The following WNK1 variants were observed in gnomAD, a reference collection of about 807,000 sequenced individuals.
The protein encoded by WNK1 is WNK lysine deficient protein kinase 1, also known as serine/threonine-protein kinase WNK1.
WNK1 carries 38 observed loss-of-function variants against 222.8 expected under a neutral mutation model. That is an observed-to-expected ratio of 0.17 (90% confidence interval 0.13 to 0.22). The LOEUF (loss-of-function observed/expected upper bound fraction) is 0.22. Among genes scored for constraint, WNK1 ranks in the 10% least tolerant of loss-of-function variants. The pLI, the probability that WNK1 is intolerant of heterozygous loss-of-function variation, is 1.00. For missense variants in WNK1, 2,348 were observed against 2,918.4 expected (o/e 0.80, Z 4.50); for synonymous variants, 1,090 against 1,092.9 (o/e 1.00, Z 0.05).
intron 6 of WNK1, 132 bp downstream of exon 6, chr12:859,596 A>T (rs1951036013): frequency 6.5e-6 from 4 of 614,036 alleles, no homozygotes; most frequent in Admixed American, 3.1e-5. Flanking sequence ...TGGCCCTAAA[A>T]GTTATCTTTG....
At chr12:876,863 G>GA (rs1296207529) in intron 9 of WNK1, among the ~76,000 whole-genome samples, 4 of 151,934 alleles carry the variant, frequency 2.6e-5, no homozygotes, top group African/African-American at 4.8e-5. Context: ...CTTACGCATA[G>GA]AAAAAAATCC....
At chr12:822,096 T>G (rs1027770566) in intron 2 of WNK1, among the ~76,000 whole-genome samples, 23 of 137,596 alleles carry the variant, frequency 1.7e-4, no homozygotes, top group African/African-American at 5.4e-4. Context: ...CCTTTTTTTT[T>G]TTTTTTTTTT....
intron 4 of WNK1, among the ~76,000 whole-genome samples, chr12:843,300 G>A (rs187056740): frequency 6.6e-6 from 1 of 152,230 alleles, no homozygotes; most frequent in Admixed American, 6.5e-5. Context: ...AGTTATTGAG[G>A]ACCCCAAAGA....
At chr12:886,295 A>T (rs549423536) in intron 19 of WNK1, among the ~76,000 whole-genome samples, 7 of 152,130 alleles carry the variant, frequency 4.6e-5, no homozygotes, top group Non-Finnish European at 7.4e-5. Context: ...AGGGTTAATT[A>T]TGCTGCACAG....
chr12:855,329 C>T (rs894955383), intron 4 of WNK1, among the ~76,000 whole-genome samples: 1 of 152,120 alleles, frequency 6.6e-6, no homozygotes, highest in African/African-American at 2.4e-5. Context: ...TAGGGTCAGC[C>T]CTGCTACACA....
At chr12:879,537 T>C (rs1391661207) in intron 10 of WNK1, 36 bp from the exon 11 acceptor site, 2 of 977,762 alleles carry the variant, frequency 2.0e-6, no homozygotes, top group East Asian at 5.2e-5. Flanking sequence ...TTTTTTTTTT[T>C]AAGCCTGTCT....
chr12:841,891 C>T (rs987913953), intron 4 of WNK1, among the ~76,000 whole-genome samples: 8 of 152,198 alleles, frequency 5.3e-5, no homozygotes, highest in Admixed American at 1.3e-4. Context: ...GATCACCTCC[C>T]AAAGACCTTC....
At chr12:761,016 C>T (rs1055970700) in intron 1 of WNK1, among the ~76,000 whole-genome samples, 2 of 145,546 alleles carry the variant, frequency 1.4e-5, no homozygotes, top group African/African-American at 4.9e-5. Flanking sequence ...AACTCCTGAC[C>T]TCAGGTGATC....
At chr12:830,385 C>T (rs574511490) in intron 4 of WNK1, among the ~76,000 whole-genome samples, 1 of 152,326 alleles carries the variant, frequency 6.6e-6, no homozygotes, top group Admixed American at 6.5e-5. Context: ...ACCTTGCATT[C>T]ATTTAAATCT....
intron 1 of WNK1, among the ~76,000 whole-genome samples, chr12:787,293 C>T (rs1464860197): frequency 6.6e-6 from 1 of 152,070 alleles, no homozygotes; most frequent in Non-Finnish European, 1.5e-5. Flanking sequence ...GCATCCATTT[C>T]TTTTTTGGTT....
intron 1 of WNK1, among the ~76,000 whole-genome samples, chr12:766,717 T>G (rs1200766571): frequency 6.6e-6 from 1 of 151,972 alleles, no homozygotes; most frequent in Non-Finnish European, 1.5e-5. Flanking sequence ...GACCTCATGA[T>G]CCGCCTGCCT....
chr12:878,665 G>A (rs942895855), intron 10 of WNK1, among the ~76,000 whole-genome samples: 2 of 151,980 alleles, frequency 1.3e-5, no homozygotes, highest in African/African-American at 2.4e-5. Flanking sequence ...GTTAAATAAA[G>A]GTGCTCTGGT....
chr12:887,562 C>T (rs553752092), intron 20 of WNK1, among the ~76,000 whole-genome samples: 41 of 151,928 alleles, frequency 2.7e-4, no homozygotes, highest in Non-Finnish European at 4.6e-4. Context: ...AGGAAGAAAA[C>T]AGCAAAGCAA....
chr12:899,738 C>A (rs1377068645), intron 25 of WNK1, among the ~76,000 whole-genome samples: 3 of 152,182 alleles, frequency 2.0e-5, no homozygotes, highest in African/African-American at 2.4e-5. Flanking sequence ...TCTGTAGTGA[C>A]CTCCATCATT....
intron 21 of WNK1, among the ~76,000 whole-genome samples, chr12:890,138 A>C (rs918797702): frequency 6.6e-6 from 1 of 151,532 alleles, no homozygotes; most frequent in Non-Finnish European, 1.5e-5. Context: ...TTTTTATTAG[A>C]GGCGGGGTTT....
At chr12:874,522 C>T (rs971185701) in intron 9 of WNK1, among the ~76,000 whole-genome samples, 9 of 152,148 alleles carry the variant, frequency 5.9e-5, no homozygotes, top group Non-Finnish European at 1.3e-4. Flanking sequence ...TCATTTTTGA[C>T]AGTCCTTTCA....
intron 9 of WNK1, 136 bp downstream of exon 9, chr12:871,484 G>A: frequency 5.0e-6 from 4 of 796,276 alleles, no homozygotes; most frequent in South Asian, 3.1e-5. Flanking sequence ...CTTGTGTTCA[G>A]TAACAAAGAA....
intron 2 of WNK1, among the ~76,000 whole-genome samples, chr12:815,079 G>A (rs530590944): frequency 7.2e-5 from 11 of 152,306 alleles, no homozygotes; most frequent in Admixed American, 1.3e-4. Context: ...CAGTGAGGGA[G>A]CGGCTGTAAA....
intron 1 of WNK1, among the ~76,000 whole-genome samples, chr12:774,017 C>T (rs989472970): frequency 6.6e-6 from 1 of 152,086 alleles, no homozygotes; most frequent in Non-Finnish European, 1.5e-5. Flanking sequence ...TTGAGATGGC[C>T]ATTATTTCCC....
Sources: allele counts gnomAD v4.1 joint callset (sites outside exome capture counted in the v4.1 genomes callset), GRCh38; gene constraint gnomAD v4.1.1; transcripts MANE v1.5; gene names NCBI Gene and HGNC (gene_info 2026-07-23, HGNC 2026-07-21).